The following GNPDA2 variants were observed in gnomAD, a reference collection of about 807,000 sequenced individuals.
GNPDA2 encodes the protein glcN6P deaminase 2.
A neutral mutation model predicts 27.0 loss-of-function variants in GNPDA2; 24 were observed. The observed-to-expected ratio is 0.89, with a 90% CI of 0.64 to 1.25. GNPDA2 has a LOEUF of 1.25. Ranked by LOEUF, GNPDA2 falls within the 50% of genes most tolerant of loss-of-function variation. The pLI, the probability that GNPDA2 is intolerant of heterozygous loss-of-function variation, is 0.00. For missense variants in GNPDA2, 286 were observed against 335.1 expected (o/e 0.85, Z 1.14); for synonymous variants, 94 against 108.4 (o/e 0.87, Z 0.83).
chr4:44,707,382 T>G, intron 6 of GNPDA2: 1 of 262,332 alleles, frequency 3.8e-6, no homozygotes, highest in South Asian at 1.6e-4. Flanking sequence ...TAGAGGGGAG[T>G]GAGGAAGAGG....
chr4:44,711,837 A>ATATATC (rs1717003697), intron 4 of GNPDA2, among the ~76,000 whole-genome samples: 1 of 151,432 alleles, frequency 6.6e-6, no homozygotes, highest in African/African-American at 2.4e-5. Flanking sequence ...ATACACATAT[A>ATATATC]CAACACAAAC....
intron 4 of GNPDA2, among the ~76,000 whole-genome samples, chr4:44,716,627 G>C (rs559321282): frequency 7.9e-5 from 12 of 151,998 alleles, no homozygotes; most frequent in Non-Finnish European, 1.3e-4. Flanking sequence ...AGGCTGGTAA[G>C]TAAAAAGTTT....
chr4:44,717,943 C>T (rs1717413019), intron 3 of GNPDA2, among the ~76,000 whole-genome samples: 1 of 151,950 alleles, frequency 6.6e-6, no homozygotes, highest in East Asian at 1.9e-4. Context: ...ATTACTTTTA[C>T]ATGTACGTTA....
At chr4:44,713,116 G>T (rs1481497245) in intron 4 of GNPDA2, among the ~76,000 whole-genome samples, 1 of 152,166 alleles carries the variant, frequency 6.6e-6, no homozygotes, top group Non-Finnish European at 1.5e-5. Context: ...TCTTTGGTCA[G>T]CTCGGTATAG....
At chr4:44,716,811 T>G (rs1375454544) in intron 4 of GNPDA2, among the ~76,000 whole-genome samples, 1 of 151,878 alleles carries the variant, frequency 6.6e-6, no homozygotes, top group Non-Finnish European at 1.5e-5. Context: ...ATATTACTCA[T>G]TTTGAAAGAT....
Position 44,702,687 on chromosome 4 carries a change from T to TA in GNPDA2, c.*393dup. 9.7e-7 allele frequency: 1 copy of TA among 1,032,336 alleles called. No individual in the cohort carries two copies. Among genetic ancestry groups the TA allele is most frequent in the Middle Eastern group, 4.6e-4 (1 of 2,166 alleles). 63.9% of individuals were successfully genotyped at this position (1,032,336 alleles called of 1,614,324 possible). The stretch of plus-strand genomic sequence containing the variant: ...TTCCAAAAGTGAAGGTCTGCAATGA[T>TA]AGTTTGTTATCTGAAAGGTTTGGAG... On this transcript the variant is annotated 3_prime_UTR_variant, in exon 7 of 7. Transcript: ENST00000295448.
chr4:44,719,938 C>A (rs1717564833), intron 2 of GNPDA2, among the ~76,000 whole-genome samples: 1 of 151,986 alleles, frequency 6.6e-6, no homozygotes. Context: ...TAGGGATAAG[C>A]AAGTACAAAA....
At position 44,712,705 on chromosome 4, in the gene GNPDA2, A is replaced by T. The variant is rs527592228; in HGVS notation, c.410-1568T>A. Among the ~76,000 whole-genome samples, 3 of 152,296 alleles carry T rather than the reference A, an allele frequency of 2.0e-5. No homozygotes were observed. In the East Asian group the frequency reaches 5.8e-4, roughly 29 times the overall value. ...AAAAATATGAAGTCTACTAAGATCT[A>T]CTACTACTGACCTCACTGATGATTT... On this transcript the variant is annotated intron_variant, in intron 4 of 6. Coordinates refer to ENST00000295448, the MANE Select transcript of GNPDA2 (RefSeq NM_138335.3).
At position 44,718,289 on chromosome 4, in the gene GNPDA2, T is replaced by C. The variant is rs1717439680; in HGVS notation, c.226+20A>G. 3.3e-6 allele frequency: 3 copies of C among 908,486 alleles called. No homozygotes were observed. In the East Asian group the frequency reaches 8.2e-5, roughly 25 times the overall value. 56.3% of individuals were successfully genotyped at this position (908,486 alleles called of 1,614,324 possible). A position where few individuals can be genotyped will look rare whatever the true frequency, so the allele number is the denominator to read the frequency against. On this transcript the variant is annotated intron_variant, in intron 3 of 6. Transcript: ENST00000295448. ...TATAACATACCCAAATAATGGTCAA[T>C]ATATTTAAGTATAGCTTACCTACAT...
chr4:44,709,924 G>A (rs1716866557), intron 5 of GNPDA2, among the ~76,000 whole-genome samples: 2 of 152,072 alleles, frequency 1.3e-5, no homozygotes, highest in Non-Finnish European at 1.5e-5. Context: ...GCTGCAGTAA[G>A]CTGTAATCAC....
intron 6 of GNPDA2, chr4:44,703,671 C>A: frequency 2.0e-6 from 2 of 984,076 alleles, no homozygotes; most frequent in South Asian, 9.4e-5. Flanking sequence ...TAAAACAAGA[C>A]AGAAAACAAC....
At chr4:44,703,170 T>C (rs766422210) in intron 6 of GNPDA2, 28 bp from the exon 7 acceptor site, 1 of 1,592,874 alleles carries the variant, frequency 6.3e-7, no homozygotes, top group Non-Finnish European at 8.5e-7. Flanking sequence ...CAGTTCTAGT[T>C]GTTTTTATTA....
At chr4:44,705,629 T>C (rs1014795820) in intron 6 of GNPDA2, 1 of 225,234 alleles carries the variant, frequency 4.4e-6, no homozygotes, top group African/African-American at 2.3e-5. Flanking sequence ...GATTATCATA[T>C]GGGAAAAAAG....
chr4:44,714,639 A>G (rs1717169373), intron 4 of GNPDA2: 1 of 984,876 alleles, frequency 1.0e-6, no homozygotes, highest in Admixed American at 6.1e-5. Flanking sequence ...CACAGTTCTT[A>G]GAGTTTTTAT....
intron 4 of GNPDA2, among the ~76,000 whole-genome samples, chr4:44,712,265 T>C (rs1265580958): frequency 6.6e-6 from 1 of 152,148 alleles, no homozygotes; most frequent in African/African-American, 2.4e-5. Context: ...CTTTTACATT[T>C]ATATTCTGCA....
intron 2 of GNPDA2, among the ~76,000 whole-genome samples, chr4:44,720,448 G>A (rs1012928270): frequency 3.3e-5 from 5 of 152,122 alleles, no homozygotes; most frequent in Non-Finnish European, 7.4e-5. Context: ...TTCTTGAACT[G>A]CAAGCAGTCA....
At position 44,711,007 on chromosome 4, in the gene GNPDA2, T is replaced by A. The variant is rs1716943365; in HGVS notation, c.540A>T (p.Lys180Asn). Residue 180 changes from lysine to asparagine, a missense_variant, in exon 5 of 7, where the codon AAA (lysine) becomes AAT (asparagine). By Grantham distance (94) the Lys-to-Asn change is moderately conservative. Coordinates refer to ENST00000295448, the MANE Select transcript of GNPDA2 (RefSeq NM_138335.3). ...NAKYFDGDLSKVPTMALTVGV... is the reference protein window; with the variant it reads ...NAKYFDGDLSNVPTMALTVGV... ...CAACAGTTAGAGCCATAGTTGGCAC[T>A]TTTGATAAATCTCCATCAAAATATT... 2 of 1,612,982 alleles carry A rather than the reference T, an allele frequency of 1.2e-6. No individual in the cohort carries two copies. Among genetic ancestry groups the A allele is most frequent in the South Asian group, 2.2e-5 (2 of 90,950 alleles).
rs1169112574 is a variant in GNPDA2, at chr4:44,722,153, A to G, written c.55T>C (p.Tyr19His). The G allele has an allele frequency of 6.2e-7, 1 of 1,613,350 alleles. No individual in the cohort carries two copies. The highest frequency in any genetic ancestry group is 1.7e-5 in the Admixed American group (1 of 60,002). ...YDLASEWAAK[Y>H]ICNRIIQFKP... ...AACTGAATGATGCGATTACAGATGT[A>G]TTTGGCTGCCCATTCACTAGCCAAG... Residue 19 changes from tyrosine to histidine, a missense_variant, in exon 2 of 7, where the codon TAC (tyrosine) becomes CAC (histidine). Coordinates refer to ENST00000295448, the MANE Select transcript of GNPDA2 (RefSeq NM_138335.3).
In GNPDA2 at chr4:44,702,629, T is replaced by C. The variant is rs1046176029; in HGVS notation, c.*452A>G. 1 of 1,005,086 alleles carries C rather than the reference T, an allele frequency of 9.9e-7. No homozygotes were observed. Among genetic ancestry groups the C allele is most frequent in the African/African-American group, 1.7e-5 (1 of 57,420 alleles). The allele number at this position is 1,005,086 out of a possible 1,614,324, so 62.3% of individuals were successfully genotyped here. A position where few individuals can be genotyped will look rare whatever the true frequency, so the allele number is the denominator to read the frequency against. On this transcript the variant is annotated 3_prime_UTR_variant, in exon 7 of 7. Transcript: ENST00000295448. ...TAAGGCAACCACGTGCAGAAAAGCA[T>C]GTGTGTGATGCACAGAAAATATAAA...
Sources: gnomAD v4.1 joint callset for allele counts (sites outside exome capture counted in the v4.1 genomes callset) on GRCh38, gnomAD v4.1.1 for gene constraint, MANE v1.5 for transcripts, NCBI Gene and HGNC (gene_info 2026-07-23, HGNC 2026-07-21) for gene names.